The following S100Z variants were observed in gnomAD, a reference collection of about 807,000 sequenced individuals.
S100Z encodes S100 calcium binding protein Z.
In S100Z, 11 loss-of-function variants were observed where a neutral mutation model predicts 8.5. The ratio of observed to expected loss-of-function variants is 1.30; its 90% CI spans 0.82 to 2.15. The LOEUF is 2.15. S100Z is among the 30% of genes most tolerant of loss of function. The pLI is 0.00. For missense variants in S100Z, 126 were observed against 117.9 expected (o/e 1.07, Z -0.32); for synonymous variants, 34 against 43.8 (o/e 0.78, Z 0.89).
rs1742960903 is a variant in S100Z, at chr5:76,870,255, T to A, written c.-86T>A. The A allele has an allele frequency of 6.6e-6, 1 of 152,220 alleles. No individual in the cohort carries two copies. The highest frequency in any genetic ancestry group is 6.5e-5 in the Admixed American group (1 of 15,276). 9.4% of individuals were successfully genotyped at this position (152,220 alleles called of 1,614,324 possible). Reference sequence around the variant, plus strand: ...AAAGGATACAGCATACAGTCCCGTGTCTCGGCTGAGTCATCGCATTCCTTA... The same window carrying A: ...AAAGGATACAGCATACAGTCCCGTGACTCGGCTGAGTCATCGCATTCCTTA... On this transcript the variant is annotated 5_prime_UTR_variant, in exon 2 of 5. Transcript: ENST00000317593.
intron 1 of S100Z, among the ~76,000 whole-genome samples, chr5:76,864,549 G>A (rs1008944651): frequency 1.6e-4 from 24 of 150,240 alleles, no homozygotes; most frequent in African/African-American, 4.6e-4. Flanking sequence ...AACCACAGGC[G>A]CATGACACCA....
chr5:76,855,826 G>T (rs1336030799), intron 1 of S100Z, among the ~76,000 whole-genome samples: 1 of 152,152 alleles, frequency 6.6e-6, no homozygotes, highest in African/African-American at 2.4e-5. Context: ...TAGCCAGAAT[G>T]ATATGGTTTG....
intron 1 of S100Z, among the ~76,000 whole-genome samples, chr5:76,853,254 C>T (rs746492059): frequency 2.6e-5 from 4 of 152,128 alleles, no homozygotes; most frequent in Non-Finnish European, 5.9e-5. Flanking sequence ...GGATGTGATG[C>T]CTGGAATTGC....
intron 2 of S100Z, among the ~76,000 whole-genome samples, chr5:76,874,819 C>A (rs992617819): frequency 3.3e-5 from 5 of 151,944 alleles, no homozygotes; most frequent in African/African-American, 1.2e-4. Context: ...AACTCAGCTG[C>A]GAAGTGCTTA....
At chr5:76,879,036 C>A (rs1743297000) in intron 4 of S100Z, among the ~76,000 whole-genome samples, 1 of 152,160 alleles carries the variant, frequency 6.6e-6, no homozygotes, top group Non-Finnish European at 1.5e-5. Context: ...ATTTCCTAGC[C>A]TCTCTAACAG....
intron 4 of S100Z, among the ~76,000 whole-genome samples, chr5:76,903,481 G>T (rs1244380044): frequency 6.6e-6 from 1 of 151,954 alleles, no homozygotes; most frequent in South Asian, 2.1e-4. Context: ...GGTTGTTTCT[G>T]GTTTTGGTTG....
intron 4 of S100Z, among the ~76,000 whole-genome samples, chr5:76,919,516 TCTTC>T (rs1744965561): frequency 6.6e-6 from 1 of 151,242 alleles, no homozygotes; most frequent in Non-Finnish European, 1.5e-5. Context: ...GGTCTTCTCT[TCTTC>T]TCCCTTCCTC....
At chr5:76,934,835 T>G in the S100Z span, among the ~76,000 whole-genome samples, 3 of 139,700 alleles carry the variant, frequency 2.1e-5, no homozygotes, top group African/African-American at 8.2e-5. Context: ...GTGTGTGGTA[T>G]TTTGTTATAG....
At chr5:76,944,956 A>T in the S100Z span, among the ~76,000 whole-genome samples, 1 of 152,102 alleles carries the variant, frequency 6.6e-6, no homozygotes, top group African/African-American at 2.4e-5. Context: ...GGCTGAAGGG[A>T]GTTGTAGGGA....
the S100Z span, among the ~76,000 whole-genome samples, chr5:76,938,822 T>C: frequency 6.6e-6 from 1 of 152,200 alleles, no homozygotes; most frequent in Non-Finnish European, 1.5e-5. Flanking sequence ...GCCCCATGTT[T>C]TTAAACTAAT....
intron 1 of S100Z, among the ~76,000 whole-genome samples, chr5:76,856,421 A>G (rs865920979): frequency 6.6e-6 from 1 of 152,154 alleles, no homozygotes; most frequent in Non-Finnish European, 1.5e-5. Context: ...GCTGGTCTCA[A>G]ACTCCTGACC....
chr5:76,887,659 G>C (rs977691298), intron 4 of S100Z, among the ~76,000 whole-genome samples: 7 of 151,726 alleles, frequency 4.6e-5, no homozygotes, highest in Non-Finnish European at 7.4e-5. Context: ...CGGCCTCCCA[G>C]AGTGCTGGGA....
intron 1 of S100Z, among the ~76,000 whole-genome samples, chr5:76,857,117 C>A (rs575898594): frequency 6.6e-6 from 1 of 152,088 alleles, no homozygotes; most frequent in Non-Finnish European, 1.5e-5. Flanking sequence ...CATGGTGAAA[C>A]CCCGTCTCTA....
At chr5:76,854,588 C>T (rs1750827480) in intron 1 of S100Z, among the ~76,000 whole-genome samples, 2 of 152,168 alleles carry the variant, frequency 1.3e-5, no homozygotes, top group South Asian at 2.1e-4. Flanking sequence ...TTCTAACAGC[C>T]TATGCCCGTT....
At chr5:76,888,945 C>T (rs1743759436) in intron 4 of S100Z, among the ~76,000 whole-genome samples, 1 of 152,194 alleles carries the variant, frequency 6.6e-6, no homozygotes, top group African/African-American at 2.4e-5. Flanking sequence ...TGACTGGCTA[C>T]ACGGCCACCC....
chr5:76,860,105 G>T (rs1371762966), intron 1 of S100Z, among the ~76,000 whole-genome samples: 2 of 152,168 alleles, frequency 1.3e-5, no homozygotes, highest in African/African-American at 4.8e-5. Flanking sequence ...CTGAGGCAGA[G>T]AAAGAACTCT....
chr5:76,891,641 G>T (rs2150661447), intron 4 of S100Z, among the ~76,000 whole-genome samples: 1 of 152,276 alleles, frequency 6.6e-6, no homozygotes, highest in East Asian at 1.9e-4. Context: ...TGAAGAGGAA[G>T]GGGTTTGAAT....
intron 4 of S100Z, among the ~76,000 whole-genome samples, chr5:76,881,258 A>C (rs747171330): frequency 6.6e-6 from 1 of 152,190 alleles, no homozygotes; most frequent in Non-Finnish European, 1.5e-5. Flanking sequence ...ACTGTATAGA[A>C]GTGGGAAGGC....
chr5:76,914,015 TG>T (rs1175017821), intron 4 of S100Z, among the ~76,000 whole-genome samples: 2 of 152,146 alleles, frequency 1.3e-5, no homozygotes, highest in Non-Finnish European at 2.9e-5. Context: ...TTGTTTCCTC[TG>T]GAATCAAGGC....
Sources: gnomAD v4.1 joint callset for allele counts (sites outside exome capture counted in the v4.1 genomes callset) on GRCh38, gnomAD v4.1.1 for gene constraint, MANE v1.5 for transcripts, NCBI Gene and HGNC (gene_info 2026-07-23, HGNC 2026-07-21) for gene names.